Variants in NEB observed in about 807,000 individuals in gnomAD.
NEB encodes the protein nemaline myopathy type 2.
A neutral mutation model predicts 952.2 loss-of-function variants in NEB; 512 were observed. The observed-to-expected ratio is 0.54, with a 90% CI of 0.50 to 0.58. The LOEUF is 0.58. NEB is among the 20% of genes least tolerant of loss of function. NEB has a pLI of 0.00. For synonymous variants in NEB, 2,900 were observed against 3,149.8 expected (o/e 0.92, Z 2.66); for missense variants, 8,428 against 9,231.1 (o/e 0.91, Z 3.56).
In NEB at chr2:151,710,521, GTCT is replaced by G. The variant is rs1553642771; in HGVS notation, c.837_839del (p.Glu279del). On this transcript the variant is annotated inframe_deletion, in exon 11 of 182. Transcript: ENST00000397345. ...ATTTGCCTTTGATTTTATTTTCATA[GTCT>G]TCTTTGTATTTTTGCTAGAAAAAAG... The G allele has an allele frequency of 2.5e-6, 4 of 1,603,620 alleles. No homozygotes were observed. Among genetic ancestry groups the G allele is most frequent in the South Asian group, 2.2e-5 (2 of 89,258 alleles).
intron 162 of NEB, chr2:151,507,614 TCC>T (rs2070325518): frequency 4.8e-6 from 1 of 209,620 alleles, no homozygotes; most frequent in Non-Finnish European, 9.7e-6. Flanking sequence ...CAATCACACT[TCC>T]GCATCTCTAT....
intron 153 of NEB, 147 bp downstream of exon 153, chr2:151,524,164 A>C: frequency 3.1e-6 from 2 of 649,786 alleles, no homozygotes; most frequent in Non-Finnish European, 5.3e-6. Context: ...AAAGGCCCTC[A>C]GTGCACTTTT....
Position 151,696,788 on chromosome 2 carries a change from G to C in NEB, c.1471-53C>G, listed in dbSNP as rs562733275. ...AGTAGTATCACCTGTCAGATCCAAG[G>C]TGGCCCACAGGCCAAGCAAATAGAA... On this transcript the variant is annotated intron_variant, in intron 16 of 181. Transcript: ENST00000397345. 3.6e-6 allele frequency: 5 copies of C among 1,375,808 alleles called. No individual in the cohort carries two copies. In the South Asian group the frequency reaches 5.9e-5, roughly 16 times the overall value. 85.2% of individuals were successfully genotyped at this position (1,375,808 alleles called of 1,614,324 possible).
chr2:151,629,744 G>A, intron 67 of NEB, 98 bp from the exon 68 acceptor site: 1 of 981,510 alleles, frequency 1.0e-6, no homozygotes. Context: ...AAAAGGATAG[G>A]AACTGGAGAC....
intron 68 of NEB, among the ~76,000 whole-genome samples, chr2:151,628,969 T>C (rs2098598561): frequency 6.6e-6 from 1 of 152,140 alleles, no homozygotes; most frequent in Non-Finnish European, 1.5e-5. Context: ...CTTTCAGAGA[T>C]GGCAGGAGGA....
At chr2:151,727,974 A>T in intron 4 of NEB, 68 bp from the exon 5 acceptor site, 1 of 1,219,144 alleles carries the variant, frequency 8.2e-7, no homozygotes, top group Non-Finnish European at 1.2e-6. Flanking sequence ...ATCTTAGTAT[A>T]TATTAGTCTA....
chr2:151,698,118 C>T (rs1407430684), intron 13 of NEB, among the ~76,000 whole-genome samples: 1 of 152,030 alleles, frequency 6.6e-6, no homozygotes, highest in Non-Finnish European at 1.5e-5. Context: ...ACCTGACAAT[C>T]GAACACGGAA....
chr2:151,674,561 A>T lies in NEB; in HGVS notation c.3903T>A (p.Tyr1301Ter). The T allele has an allele frequency of 2.5e-6, 4 of 1,613,502 alleles. No homozygotes were observed. The highest frequency in any genetic ancestry group is 3.4e-6 in the Non-Finnish European group (4 of 1,179,448). ...ISDVCYKRDW[Y>*]DLIAKGNNVL... ...CATTGTTGCCCTTGGCTATTAAGTCATACCAATCCCGTTTATAACAGACCT... is the reference window on the plus strand; with the variant it reads ...CATTGTTGCCCTTGGCTATTAAGTCTTACCAATCCCGTTTATAACAGACCT... The change falls in exon 36 of 182, where the codon TAT (tyrosine) becomes TAA (stop). Residue 1301 changes from tyrosine (Y) to a stop codon, truncating the protein, a stop_gained. Transcript: ENST00000397345. LOFTEE classifies it high-confidence loss of function.
chr2:151,719,882 G>A (rs1405452018), intron 9 of NEB, among the ~76,000 whole-genome samples: 8 of 56,372 alleles, frequency 1.4e-4, no homozygotes, highest in Non-Finnish European at 3.0e-4. Flanking sequence ...GTGAGACCCT[G>A]TCTCAAAAAA....
At chr2:151,569,764 C>T (rs560294490) in intron 109 of NEB, among the ~76,000 whole-genome samples, 6 of 152,246 alleles carry the variant, frequency 3.9e-5, no homozygotes, top group South Asian at 4.1e-4. Flanking sequence ...GTGCCTACAT[C>T]CTGTCCATGG....
rs372053480 is a variant in NEB at position 151,627,554 on chromosome 2, T to C, written c.10112A>G (p.His3371Arg). 1.8e-5 allele frequency: 29 copies of C among 1,613,914 alleles called. No individual in the cohort carries two copies. Among genetic ancestry groups the C allele is most frequent in the Non-Finnish European group, 2.4e-5 (28 of 1,179,890 alleles). ...TCLPDQNDVI[H>R]ARQAYDLQSD... ...CTGGAGGTCATAGGCCTGCCGAGCA[T>C]GGATGACATCATTCTGGTCGGGCAG... Residue 3371 changes from histidine (H) to arginine (R), a missense_variant, in exon 69 of 182, where the codon CAT becomes CGT. By Grantham distance (29) the His-to-Arg change is conservative. Around this residue, in one of 11 missense-constraint regions of NEB, gnomAD observed 1,772 missense variants for 1,960.3 expected, o/e 0.90. Transcript: ENST00000397345.
At chr2:151,560,908 C>G in intron 123 of NEB, 96 bp downstream of exon 123, 1 of 824,734 alleles carries the variant, frequency 1.2e-6, no homozygotes, top group East Asian at 2.6e-5. Flanking sequence ...CATAGAAAAG[C>G]CTTTAGGGAA....
intron 32 of NEB, 61 bp downstream of exon 32, chr2:151,679,660 G>GGGCCCCCCCCCCCCCCCCC: frequency 1.5e-6 from 1 of 682,638 alleles, no homozygotes; most frequent in Non-Finnish European, 2.7e-6. Flanking sequence ...GTCATCGTCA[G>GGGCCCCCCCCCCCCCCCCC]ACCCCAAGCC....
intron 60 of NEB, among the ~76,000 whole-genome samples, chr2:151,642,231 A>C (rs2098874081): frequency 6.6e-6 from 1 of 152,232 alleles, no homozygotes; most frequent in Non-Finnish European, 1.5e-5. Flanking sequence ...CATACAGCAT[A>C]GGTTGGGTTT....
intron 9 of NEB, among the ~76,000 whole-genome samples, chr2:151,722,914 T>C (rs1201679225): frequency 6.6e-6 from 1 of 152,154 alleles, no homozygotes; most frequent in Non-Finnish European, 1.5e-5. Context: ...CACACCACAA[T>C]TTGGACTTGA....
At position 151,492,136 on chromosome 2, in the gene NEB, T is replaced by C; in HGVS notation, c.25019A>G (p.Glu8340Gly). ...CTGATCTTGGTCATTCCGTTTTTGTTCCATTTCTACCACTTTCCTCTGAAT... is the reference window on the plus strand; with the variant it reads ...CTGATCTTGGTCATTCCGTTTTTGTCCCATTTCTACCACTTTCCTCTGAAT... ...RGIQRKVVEM[E>G]QKRNDQDQET... The change falls in exon 178 of 182, where the codon GAA (glutamate) becomes GGA (glycine). Residue 8340 changes from glutamate (E) to glycine (G), a missense_variant. Coordinates refer to ENST00000397345, the MANE Select transcript of NEB (RefSeq NM_001164508.2). 1 of 1,613,970 alleles carries C rather than the reference T, an allele frequency of 6.2e-7. No homozygotes were observed. The highest frequency in any genetic ancestry group is 1.1e-5 in the South Asian group (1 of 91,080).
Position 151,671,186 on chromosome 2 carries a change from C to T in NEB, c.4343G>A (p.Gly1448Glu). The change falls in exon 38 of 182, where the codon GGA becomes GAA. Residue 1448 changes from glycine (G) to glutamate (E), a missense_variant. Physicochemically the swap from Gly to Glu is moderately conservative, Grantham distance 98. Coordinates refer to ENST00000397345, the MANE Select transcript of NEB (RefSeq NM_001164508.2). ...DEYNSFLKGIGWIPIGSLEVE... is the reference protein window; with the variant it reads ...DEYNSFLKGIEWIPIGSLEVE... ...CTCCAGGGAACCAATAGGGATCCAT[C>T]CGATGCCCTTCAAGAAGCTGTTATA... 1 of 1,613,954 alleles carries T rather than the reference C, an allele frequency of 6.2e-7. No homozygotes were observed. The highest frequency in any genetic ancestry group is 1.1e-5 in the South Asian group (1 of 91,070).
At chr2:151,576,477 C>A (rs146070062) in intron 105 of NEB, 123 bp from the exon 106 acceptor site, 5,866 of 110,768 alleles carry the variant, frequency 0.053, 525 homozygotes, top group African/African-American at 0.21. Flanking sequence ...ATATATATAA[C>A]ATAAATACAT....
chr2:151,640,399 T>C lies in NEB; in HGVS notation c.8641A>G (p.Ser2881Gly). The change falls in exon 61 of 182, where the codon AGC (serine) becomes GGC (glycine). Residue 2881 changes from serine to glycine, a missense_variant. By Grantham distance (56) the Ser-to-Gly change is moderately conservative. This residue lies in a region of NEB where 1,772 missense variants were observed against 1,960.3 expected (regional missense o/e 0.90). Coordinates refer to ENST00000397345, the MANE Select transcript of NEB (RefSeq NM_001164508.2). ...GCCTGCCGAGCATGGATGACGTCGC[T>C]CTGGTCGGGCAGGCATGTCCACTGG... ...LHQWTCLPDQSDVIHARQAYD... is the reference protein window; with the variant it reads ...LHQWTCLPDQGDVIHARQAYD... The C allele has an allele frequency of 1.2e-6, 2 of 1,613,956 alleles. No homozygotes were observed. The highest frequency in any genetic ancestry group is 1.7e-4 in the Middle Eastern group (1 of 6,060).
Sources: allele counts gnomAD v4.1 joint callset (sites outside exome capture counted in the v4.1 genomes callset), GRCh38; gene constraint gnomAD v4.1.1; regional missense constraint gnomAD v4.1.1; transcripts MANE v1.5; gene names NCBI Gene and HGNC (gene_info 2026-07-23, HGNC 2026-07-21).